FGD5: variants seen among roughly 807,000 people sequenced by gnomAD.
FGD5 encodes FYVE, RhoGEF and PH domain containing 5, also known as FYVE, RhoGEF and PH domain-containing protein 5.
Under a neutral mutation model 133.4 loss-of-function variants are expected in FGD5, and 28 were observed. The ratio of observed to expected loss-of-function variants is 0.21; its 90% CI spans 0.16 to 0.29. The LOEUF is 0.29. FGD5 is among the 10% of genes least tolerant of loss of function. The pLI is 1.00. For synonymous variants in FGD5, 810 were observed against 776.5 expected (o/e 1.04, Z -0.72); for missense variants, 1,858 against 1,895.2 (o/e 0.98, Z 0.36).
Position 14,923,049 on chromosome 3 carries a change from G to T in FGD5, c.3811G>T (p.Val1271Leu). Reference sequence around the variant, plus strand: ...ATCTTCCCACCTGGGCCTGCAGATCGTGTGCCGGAACTGTTCGCGGAACAA... The same window carrying T: ...ATCTTCCCACCTGGGCCTGCAGATCTTGTGCCGGAACTGTTCGCGGAACAA... ...RHHCHACGKI[V>L]CRNCSRNKYP... is the part of the protein sequence containing the mutation. The change falls in exon 16 of 20, where the codon GTG becomes TTG. Residue 1271 changes from valine to leucine, a missense_variant. Physicochemically the swap from Val to Leu is conservative, Grantham distance 32. This residue lies in a region of FGD5 where 1,824 missense variants were observed against 1,848.9 expected (regional missense o/e 0.99). Transcript: ENST00000285046. 6.2e-7 allele frequency: 1 copy of T among 1,613,820 alleles called. No individual in the cohort carries two copies. Among genetic ancestry groups the T allele is most frequent in the South Asian group, 1.1e-5 (1 of 91,074 alleles).
At position 14,923,111 on chromosome 3, in the gene FGD5, G is replaced by A. The variant is rs756450964; in HGVS notation, c.3873G>A (p.Lys1291=). The change falls in exon 16 of 20, where the codon AAG becomes AAA. Residue 1291 remains lysine (K), a synonymous_variant. Transcript: ENST00000285046. ...PLKYLKDRMA[K]VCDGCFGELK... is the part of the protein sequence containing the mutation. ...AGTACCTGAAGGACAGGATGGCCAA[G>A]GTCTGCGACGGCTGCTTCGGGGAGC... 84 of 1,613,798 alleles carry A rather than the reference G, an allele frequency of 5.2e-5. No individual in the cohort carries two copies.
chr3:14,898,002 C>T lies in FGD5; in HGVS notation c.2973C>T (p.Ala991=). 6.2e-7 allele frequency: 1 copy of T among 1,613,958 alleles called. No homozygotes were observed. Among genetic ancestry groups the T allele is most frequent in the Non-Finnish European group, 8.5e-7 (1 of 1,179,884 alleles). Residue 991 remains alanine, a synonymous_variant, in exon 6 of 20, where the codon GCC becomes GCT. Transcript: ENST00000285046. The part of the protein sequence containing the change: ...LAREQGFDHH[A]THILQFDRYL... ...GGGAGCAGGGGTTTGATCACCACGC[C>T]ACTCACATCCTGCAGTTCGACAGGT...
intron 11 of FGD5, among the ~76,000 whole-genome samples, chr3:14,912,674 G>T (rs189418628): frequency 1.5e-3 from 231 of 152,290 alleles, no homozygotes; most frequent in South Asian, 0.01. Context: ...CATGGCCTTT[G>T]CCCTGCTGTG....
intron 4 of FGD5, among the ~76,000 whole-genome samples, chr3:14,891,270 G>A (rs1369768212): frequency 1.3e-5 from 2 of 152,114 alleles, no homozygotes; most frequent in Non-Finnish European, 2.9e-5. Context: ...GTACCCCAGA[G>A]CCAGCTGTGG....
intron 1 of FGD5, among the ~76,000 whole-genome samples, chr3:14,832,755 C>G (rs1211454826): frequency 6.6e-6 from 1 of 152,086 alleles, no homozygotes; most frequent in Non-Finnish European, 1.5e-5. Flanking sequence ...TAAGGGTACA[C>G]AGTAGAGTAC....
At chr3:14,853,779 G>T (rs983441962) in intron 1 of FGD5, among the ~76,000 whole-genome samples, 3 of 143,988 alleles carry the variant, frequency 2.1e-5, no homozygotes, top group African/African-American at 7.7e-5. Context: ...GTTACACAGC[G>T]TTCATCTCCC....
intron 10 of FGD5, among the ~76,000 whole-genome samples, chr3:14,908,834 C>T (rs772574710): frequency 2.1e-4 from 32 of 151,438 alleles, no homozygotes; most frequent in Non-Finnish European, 4.0e-4. Flanking sequence ...GAGCCGAGAT[C>T]GCGCCATTGC....
Position 14,922,349 on chromosome 3 carries a change from C to CTCTG in FGD5, c.3670-61_3670-58dup, listed in dbSNP as rs1157570035. The stretch of plus-strand genomic sequence containing the variant: ...GAGACGCAGGGCAGGGCTCACTGGG[C>CTCTG]TCTGCATCTGGCTGGTCTCCTGGCC... On this transcript the variant is annotated intron_variant, in intron 14 of 19. Coordinates refer to ENST00000285046, the MANE Select transcript of FGD5 (RefSeq NM_152536.4). This position sits in a 1 kb window ranked among gnomAD's most constrained non-coding sequence, Gnocchi z 4.1. The CTCTG allele has an allele frequency of 9.7e-6, 15 of 1,546,936 alleles. No individual in the cohort carries two copies. The highest frequency in any genetic ancestry group is 1.1e-5 in the Non-Finnish European group (13 of 1,144,078).
Position 14,898,886 on chromosome 3 carries a change from A to G in FGD5, c.3154+60A>G, listed in dbSNP as rs1030594825. 9 of 1,437,516 alleles carry G rather than the reference A, an allele frequency of 6.3e-6. No homozygotes were observed. The African/African-American group carries it at 9.9e-5, about 16-fold the overall frequency. 89.0% of individuals were successfully genotyped at this position (1,437,516 alleles called of 1,614,324 possible). A position where few individuals can be genotyped will look rare whatever the true frequency, so the allele number is the denominator to read the frequency against. ...GGCAGGGCAGGGAAGGCCCCTGAGG[A>G]GGGGTGGAGGGGACTGTGGTGACCT... On this transcript the variant is annotated intron_variant, in intron 7 of 19. Coordinates refer to ENST00000285046, the MANE Select transcript of FGD5 (RefSeq NM_152536.4).
chr3:14,820,555 A>G lies in FGD5; in HGVS notation c.1484A>G (p.Glu495Gly). ...HSGKVAGYVPETVPEETGPEA... is the reference protein window; with the variant it reads ...HSGKVAGYVPGTVPEETGPEA... The stretch of plus-strand genomic sequence containing the variant: ...GGGAAGGTGGCCGGCTATGTCCCAG[A>G]AACCGTCCCTGAAGAAACCGGACCT... The change falls in exon 1 of 20, where the codon GAA (glutamate) becomes GGA (glycine). Residue 495 changes from glutamate (E) to glycine (G), a missense_variant. Glu to Gly is a moderately conservative substitution (Grantham distance 98). Transcript: ENST00000285046. The G allele has an allele frequency of 6.2e-7, 1 of 1,613,170 alleles. No homozygotes were observed. The highest frequency in any genetic ancestry group is 8.5e-7 in the Non-Finnish European group (1 of 1,179,452).
At chr3:14,925,126 A>AAAAAAAAAC (rs1203220701) in intron 17 of FGD5, among the ~76,000 whole-genome samples, 1 of 127,556 alleles carries the variant, frequency 7.8e-6, no homozygotes, top group African/African-American at 2.9e-5. Flanking sequence ...AAAAAAAAAA[A>AAAAAAAAAC]AACACATACA....
At chr3:14,865,734 A>G (rs1166503813) in intron 2 of FGD5, among the ~76,000 whole-genome samples, 2 of 152,198 alleles carry the variant, frequency 1.3e-5, no homozygotes, top group Non-Finnish European at 1.5e-5. Flanking sequence ...AACTTGCCCA[A>G]GGCCACACAG....
At position 14,819,353 on chromosome 3, in the gene FGD5, C is replaced by T. The variant is rs765102954; in HGVS notation, c.282C>T (p.Ser94=). The part of the protein sequence containing the change: ...VGNKALVSPE[S]SAEEEEEREE... The stretch of plus-strand genomic sequence containing the variant: ...ACAAAGCCCTGGTGTCTCCCGAGTC[C>T]TCTGCGGAAGAGGAAGAGGAGCGTG... The change falls in exon 1 of 20, where the codon TCC becomes TCT. Residue 94 remains serine (S), a synonymous_variant. Coordinates refer to ENST00000285046, the MANE Select transcript of FGD5 (RefSeq NM_152536.4). The surrounding 1 kb of genome is among the most constrained non-coding windows in gnomAD (Gnocchi z 4.1). 1.3e-6 allele frequency: 2 copies of T among 1,547,216 alleles called. No individual in the cohort carries two copies. Among genetic ancestry groups the T allele is most frequent in the Non-Finnish European group, 8.7e-7 (1 of 1,145,146 alleles).
intron 1 of FGD5, among the ~76,000 whole-genome samples, chr3:14,831,875 G>T (rs73814190): frequency 6.6e-6 from 1 of 152,116 alleles, no homozygotes; most frequent in African/African-American, 2.4e-5. Flanking sequence ...CTTCTTGTTC[G>T]CCTGTGTAGT....
At chr3:14,846,081 T>C (rs1279776104) in intron 1 of FGD5, among the ~76,000 whole-genome samples, 2 of 152,202 alleles carry the variant, frequency 1.3e-5, no homozygotes, top group Non-Finnish European at 2.9e-5. Flanking sequence ...TTGATGAAAC[T>C]TCAAGCTTGT....
chr3:14,927,871 C>G (rs936975751), intron 18 of FGD5, among the ~76,000 whole-genome samples: 2 of 151,980 alleles, frequency 1.3e-5, no homozygotes, highest in African/African-American at 4.8e-5. Flanking sequence ...TCAAGCCATC[C>G]CCCCCAGCTC....
In FGD5 at chr3:14,898,780, G is replaced by A. The variant is rs200528220; in HGVS notation, c.3108G>A (p.Leu1036=). 4 of 1,585,040 alleles carry A rather than the reference G, an allele frequency of 2.5e-6. No homozygotes were observed. In the East Asian group the frequency reaches 9.3e-5, roughly 37 times the overall value. ...QGGSQTAKHR[L]LRVVQRLFQY... ...GCAGCCAGACTGCGAAGCATCGGCT[G>A]CTGCGGGTGGTTCAACGCCTCTTCC... The change falls in exon 7 of 20, where the codon CTG becomes CTA. Residue 1036 remains leucine (L), a synonymous_variant. Transcript: ENST00000285046.
chr3:14,852,399 C>T (rs1473850913), intron 1 of FGD5, among the ~76,000 whole-genome samples: 3 of 152,152 alleles, frequency 2.0e-5, no homozygotes, highest in East Asian at 1.9e-4. Context: ...TCCGTAGAGA[C>T]GGGAAGTAGA....
intron 1 of FGD5, among the ~76,000 whole-genome samples, chr3:14,850,062 C>T (rs2037129438): frequency 6.6e-6 from 1 of 152,212 alleles, no homozygotes; most frequent in Non-Finnish European, 1.5e-5. Flanking sequence ...TGTGAATCTC[C>T]AGCTGCTGCA....
Sources: gnomAD v4.1 joint callset for allele counts (sites outside exome capture counted in the v4.1 genomes callset) on GRCh38, gnomAD v4.1.1 for gene constraint, gnomAD v4.1.1 regional missense constraint, Gnocchi (gnomAD v3.1) non-coding constraint, MANE v1.5 for transcripts, NCBI Gene and HGNC (gene_info 2026-07-23, HGNC 2026-07-21) for gene names.